MTA3: variants seen among roughly 807,000 people sequenced by gnomAD.
MTA3 encodes metastasis associated 1 family member 3, also known as metastasis-associated protein MTA3.
Under a neutral mutation model 83.5 loss-of-function variants are expected in MTA3, and 34 were observed. The observed-to-expected ratio is 0.41, with a 90% CI of 0.31 to 0.54. The LOEUF (loss-of-function observed/expected upper bound fraction) is 0.54, where lower values mean the gene tolerates loss of function less well. Ranked by LOEUF, MTA3 falls within the 20% of genes least tolerant of loss-of-function variation. MTA3 has a pLI of 0.33. For missense variants in MTA3, 761 were observed against 726.4 expected, an observed-to-expected ratio of 1.05 and a Z score of -0.55; for synonymous variants, 303 against 252.7, an observed-to-expected ratio of 1.20 and a Z score of -1.89.
At chr2:42,542,723 T>G (rs1002690158) in intron 2 of MTA3, among the ~76,000 whole-genome samples, 1 of 151,586 alleles carries the variant, frequency 6.6e-6, no homozygotes, top group Non-Finnish European at 1.5e-5. Flanking sequence ...AGCTAATTTT[T>G]TTTTTGTATT....
At chr2:42,735,442 ATCT>A (rs1172422473) in intron 16 of MTA3, among the ~76,000 whole-genome samples, 2 of 152,200 alleles carry the variant, frequency 1.3e-5, no homozygotes, top group Admixed American at 6.5e-5. Flanking sequence ...TCTTGAGGTA[ATCT>A]TCTTTGGGTT....
At chr2:42,713,152 T>TG (rs566437392) in intron 14 of MTA3, among the ~76,000 whole-genome samples, 12 of 152,222 alleles carry the variant, frequency 7.9e-5, no homozygotes, top group Non-Finnish European at 1.5e-4. Context: ...CTTGGTGGCT[T>TG]GCAGAGAGAG....
intron 11 of MTA3, chr2:42,698,272 A>G (rs574156660): frequency 6.6e-6 from 1 of 152,438 alleles, no homozygotes; most frequent in East Asian, 1.9e-4. Flanking sequence ...TATTTGGTAA[A>G]TGTGTGATAA....
chr2:42,676,186 C>G (rs1691339412), intron 8 of MTA3, among the ~76,000 whole-genome samples: 1 of 152,164 alleles, frequency 6.6e-6, no homozygotes, highest in African/African-American at 2.4e-5. Flanking sequence ...CTTCAGTGTT[C>G]AGGAACACAA....
At chr2:42,667,994 A>G (rs1690446469) in intron 8 of MTA3, among the ~76,000 whole-genome samples, 1 of 152,208 alleles carries the variant, frequency 6.6e-6, no homozygotes, top group Non-Finnish European at 1.5e-5. Context: ...TGATCCGTGT[A>G]GCCCGGCGCA....
At chr2:42,626,087 C>T (rs908439951) in intron 4 of MTA3, among the ~76,000 whole-genome samples, 20 of 150,266 alleles carry the variant, frequency 1.3e-4, no homozygotes, top group Non-Finnish European at 2.4e-4. Context: ...GGACTACAGG[C>T]GCCTGCCACC....
At chr2:42,629,315 G>A (rs1331613771) in intron 4 of MTA3, among the ~76,000 whole-genome samples, 1 of 152,136 alleles carries the variant, frequency 6.6e-6, no homozygotes, top group African/African-American at 2.4e-5. Context: ...TCCTGACCTT[G>A]TGATTCACCT....
At chr2:42,702,628 T>C (rs898471276) in intron 11 of MTA3, 8 of 152,222 alleles carry the variant, frequency 5.3e-5, no homozygotes, top group African/African-American at 1.9e-4. Context: ...ACTGATTTAT[T>C]TTGCTTATTT....
intron 9 of MTA3, among the ~76,000 whole-genome samples, chr2:42,690,964 C>T (rs1267503982): frequency 6.6e-6 from 1 of 151,932 alleles, no homozygotes; most frequent in Non-Finnish European, 1.5e-5. Context: ...GCAACCTCCA[C>T]CTCCCAGGTT....
chr2:42,566,276 A>G (rs150729876), upstream of MTA3, among the ~76,000 whole-genome samples: 81 of 152,246 alleles, frequency 5.3e-4, no homozygotes, highest in Non-Finnish European at 1.0e-3. Context: ...TCAATCTACA[A>G]ACATTTGCTG....
intron 2 of MTA3, among the ~76,000 whole-genome samples, chr2:42,518,163 A>T (rs1233262334): frequency 1.3e-5 from 2 of 152,184 alleles, no homozygotes; most frequent in African/African-American, 2.4e-5. Flanking sequence ...CCTGGGTGAC[A>T]GAGTGAAACT....
chr2:42,635,180 T>A (rs1041456547), intron 4 of MTA3, among the ~76,000 whole-genome samples: 2 of 152,212 alleles, frequency 1.3e-5, no homozygotes, highest in African/African-American at 4.8e-5. Context: ...AATCTAGTCT[T>A]CTGAAAGCAT....
rs1670159182 is a variant in MTA3 at position 42,755,204 on chromosome 2, A to C, written c.*1805A>C. On this transcript the variant is annotated 3_prime_UTR_variant, in exon 17 of 17. Transcript: ENST00000405094. Reference sequence around the variant, plus strand: ...GCTGTCTGTCTGTACCCTGCTCTGGATTTATTGTCGTACTTGGACCCAGAA... The same window carrying C: ...GCTGTCTGTCTGTACCCTGCTCTGGCTTTATTGTCGTACTTGGACCCAGAA... The C allele has an allele frequency of 2.0e-6, 2 of 985,320 alleles. No homozygotes were observed. The highest frequency in any genetic ancestry group is 1.2e-6 in the Non-Finnish European group (1 of 829,958). 61.0% of individuals were successfully genotyped at this position (985,320 alleles called of 1,614,324 possible). A position where few individuals can be genotyped will look rare whatever the true frequency, so the allele number is the denominator to read the frequency against.
intron 2 of MTA3, among the ~76,000 whole-genome samples, chr2:42,505,323 C>T (rs1023817913): frequency 1.8e-4 from 28 of 151,990 alleles, no homozygotes; most frequent in African/African-American, 4.6e-4. Context: ...ACCTGGTAGG[C>T]GGAGGTTGCA....
At chr2:42,752,606 G>C (rs929330160) in intron 16 of MTA3, among the ~76,000 whole-genome samples, 2 of 152,092 alleles carry the variant, frequency 1.3e-5, no homozygotes, top group Non-Finnish European at 2.9e-5. Flanking sequence ...TGACACTGTG[G>C]GAGAGTGAAG....
chr2:42,652,952 CA>C (rs1311077858), intron 6 of MTA3, among the ~76,000 whole-genome samples: 1 of 152,112 alleles, frequency 6.6e-6, no homozygotes, highest in African/African-American at 2.4e-5. Context: ...GTATTTGGAA[CA>C]AAGAATGTTT....
chr2:42,673,617 AGGGATTC>A (rs931682646), intron 8 of MTA3, among the ~76,000 whole-genome samples: 12 of 152,314 alleles, frequency 7.9e-5, no homozygotes, highest in African/African-American at 2.6e-4. Context: ...GAAATTTATT[AGGGATTC>A]CCCTTGGGAT....
rs1475537680 is a variant in MTA3 at position 42,516,154 on chromosome 2, T to C, written c.-141+20900T>C. 2.0e-5 allele frequency among the ~76,000 whole-genome samples: 3 copies of C among 152,214 alleles called. No homozygotes were observed. In the East Asian group the frequency reaches 5.8e-4, roughly 29 times the overall value. On this transcript the variant is annotated intron_variant, in intron 2 of 17. Coordinates refer to the MTA3 transcript ENST00000405592. ...GGATGGTCTTGATTTCCTGACCTCATGATCTGCCCGCCTCAGCCTCCCAAA... is the reference window on the plus strand; with the variant it reads ...GGATGGTCTTGATTTCCTGACCTCACGATCTGCCCGCCTCAGCCTCCCAAA...
intron 3 of MTA3, among the ~76,000 whole-genome samples, chr2:42,597,252 A>G (rs1210342085): frequency 6.6e-5 from 10 of 151,844 alleles, no homozygotes; most frequent in Admixed American, 6.6e-4. Flanking sequence ...TTTTGTAGAA[A>G]TGGGGTCTCA....
Sources: allele counts gnomAD v4.1 joint callset (sites outside exome capture counted in the v4.1 genomes callset), GRCh38; gene constraint gnomAD v4.1.1; transcripts MANE v1.5; gene names NCBI Gene and HGNC (gene_info 2026-07-23, HGNC 2026-07-21).